LIPN: variants seen among roughly 807,000 people sequenced by gnomAD.
LIPN encodes the protein lipase family member N.
Under a neutral mutation model 43.7 loss-of-function variants are expected in LIPN, and 32 were observed. The observed-to-expected ratio is 0.73, with a 90% confidence interval of 0.55 to 0.98. The LOEUF (loss-of-function observed/expected upper bound fraction) is 0.98, where lower values mean the gene tolerates loss of function less well. Among genes scored for constraint, LIPN ranks in the 50% least tolerant of loss-of-function variants. The pLI, the probability that LIPN is intolerant of heterozygous loss-of-function variation, is 0.00. For synonymous variants in LIPN, 156 were observed against 157.6 expected (o/e 0.99, Z 0.08); for missense variants, 505 against 483.8 (o/e 1.04, Z -0.41).
intron 4 of LIPN, among the ~76,000 whole-genome samples, chr10:88,766,058 C>T (rs113277800): frequency 2.6e-5 from 4 of 151,774 alleles, no homozygotes; most frequent in African/African-American, 9.7e-5. Flanking sequence ...ACACAAGTTT[C>T]GAAAGTGTTC....
At position 88,778,927 on chromosome 10, in the gene LIPN, T is replaced by C. The variant is rs543154835; in HGVS notation, c.*685T>C. On this transcript the variant is annotated 3_prime_UTR_variant, in exon 10 of 10. Coordinates refer to ENST00000404459, the MANE Select transcript of LIPN (RefSeq NM_001102469.2). Reference sequence around the variant, plus strand: ...CATTTTATAATCATAGGGAGGCTTCTTTGTTTAGCATGTAATGCCCCCTTT... The same window carrying C: ...CATTTTATAATCATAGGGAGGCTTCCTTGTTTAGCATGTAATGCCCCCTTT... Among the ~76,000 whole-genome samples, 15 of 152,332 alleles carry C rather than the reference T, an allele frequency of 9.8e-5. No homozygotes were observed. Among genetic ancestry groups the C allele is most frequent in the African/African-American group, 2.6e-4 (11 of 41,588 alleles).
intron 7 of LIPN, among the ~76,000 whole-genome samples, chr10:88,773,362 T>G (rs1843242057): frequency 6.6e-6 from 1 of 151,916 alleles, no homozygotes; most frequent in African/African-American, 2.4e-5. Flanking sequence ...CAATTTGAAT[T>G]TATTGCATTT....
At chr10:88,757,372 G>A (rs303459), upstream of LIPN, among the ~76,000 whole-genome samples, 36,300 of 151,982 alleles carry the variant, frequency 0.24, 4,506 homozygotes, top group East Asian at 0.37. Context: ...GTGTCACTCC[G>A]GAACATGGAC....
At chr10:88,773,426 C>A (rs1432005196) in intron 7 of LIPN, among the ~76,000 whole-genome samples, 1 of 151,814 alleles carries the variant, frequency 6.6e-6, no homozygotes. Flanking sequence ...CACATATAAA[C>A]CTGCGTCTTA....
Position 88,778,508 on chromosome 10 carries a change from A to C in LIPN, c.*266A>C, listed in dbSNP as rs12259829. Among the ~76,000 whole-genome samples the C allele has an allele frequency of 0.017, 2,660 of 152,294 alleles. 77 individuals are homozygous for C. The highest frequency in any genetic ancestry group is 0.06 in the African/African-American group (2,488 of 41,562). ...CTATCTGGCATTTAAGTCTAATTAA[A>C]TTGTAATTTTTAGGGCATACCATGA... On this transcript the variant is annotated 3_prime_UTR_variant, in exon 10 of 10. Coordinates refer to ENST00000404459, the MANE Select transcript of LIPN (RefSeq NM_001102469.2).
chr10:88,762,231 A>G lies in LIPN; in HGVS notation c.152A>G (p.Glu51Gly). 6.2e-7 allele frequency: 1 copy of G among 1,609,352 alleles called. No individual in the cohort carries two copies. The highest frequency in any genetic ancestry group is 1.3e-5 in the African/African-American group (1 of 74,918). ...AATGGCTACCCCAGTGAAGAGTATG[A>G]AGTCACCACTGAAGATGGGTATATA... is the stretch of plus-strand genomic sequence containing the variant. Reference protein sequence around the residue: ...IYNGYPSEEYEVTTEDGYILL... With the variant: ...IYNGYPSEEYGVTTEDGYILL... Residue 51 changes from glutamate to glycine, a missense_variant, in exon 3 of 10, where the codon GAA (glutamate) becomes GGA (glycine). Physicochemically the swap from Glu to Gly is moderately conservative, Grantham distance 98. Transcript: ENST00000404459.
chr10:88,768,015 T>TACACAC (rs60861050), intron 5 of LIPN, among the ~76,000 whole-genome samples: 32 of 141,060 alleles, frequency 2.3e-4, no homozygotes, highest in African/African-American at 7.5e-4. Flanking sequence ...AGTGTTTCAG[T>TACACAC]ACACACACAC....
At position 88,764,431 on chromosome 10, in the gene LIPN, T is replaced by G; in HGVS notation, c.248T>G (p.Met83Arg). Residue 83 changes from methionine to arginine, a missense_variant, in exon 4 of 10, where the codon ATG (methionine) becomes AGG (arginine). Transcript: ENST00000404459. ...CCAGGTCCCCGGCCAGTTGTGTATATGCAGCATGCCCTGTTTGCAGACAAT... is the reference window on the plus strand; with the variant it reads ...CCAGGTCCCCGGCCAGTTGTGTATAGGCAGCATGCCCTGTTTGCAGACAAT... ...RSTGPRPVVY[M>R]QHALFADNAY... The G allele has an allele frequency of 6.2e-7, 1 of 1,611,986 alleles. No individual in the cohort carries two copies. The highest frequency in any genetic ancestry group is 8.5e-7 in the Non-Finnish European group (1 of 1,178,778).
chr10:88,774,985 C>T, intron 8 of LIPN, 107 bp from the exon 9 acceptor site: 1 of 687,852 alleles, frequency 1.5e-6, no homozygotes, highest in Non-Finnish European at 2.5e-6. Flanking sequence ...TTCTGGTGAT[C>T]TAGGAGCCCT....
chr10:88,770,567 T>C (rs1321111927), intron 6 of LIPN, among the ~76,000 whole-genome samples: 1 of 151,838 alleles, frequency 6.6e-6, no homozygotes, highest in Non-Finnish European at 1.5e-5. Flanking sequence ...GGAGACACAT[T>C]CCTAAGTAAC....
chr10:88,767,456 C>A (rs1349268208), intron 5 of LIPN, among the ~76,000 whole-genome samples: 1 of 151,324 alleles, frequency 6.6e-6, no homozygotes, highest in Admixed American at 6.6e-5. Context: ...TCAAAACAAC[C>A]CGAATGTTAT....
intron 8 of LIPN, 99 bp from the exon 9 acceptor site, chr10:88,774,993 C>T: frequency 1.4e-6 from 1 of 711,618 alleles, no homozygotes; most frequent in Non-Finnish European, 2.4e-6. Flanking sequence ...ATCTAGGAGC[C>T]CTATTTTCGT....
chr10:88,757,723 C>T (rs947792584), upstream of LIPN, among the ~76,000 whole-genome samples: 17 of 152,140 alleles, frequency 1.1e-4, no homozygotes, highest in Non-Finnish European at 2.5e-4. Flanking sequence ...CCCAACTTCG[C>T]TTTGAGTAAA....
At chr10:88,757,659 C>T (rs112187737), upstream of LIPN, among the ~76,000 whole-genome samples, 1,071 of 152,184 alleles carry the variant, frequency 7.0e-3, 2 homozygotes, top group Middle Eastern at 0.017. Flanking sequence ...GCATGTTCTA[C>T]GCTAATATGT....
intron 9 of LIPN, among the ~76,000 whole-genome samples, chr10:88,777,422 C>G (rs1843312986): frequency 6.6e-6 from 1 of 151,884 alleles, no homozygotes; most frequent in African/African-American, 2.4e-5. Flanking sequence ...TTGCCTTCAA[C>G]CTATTCTTTC....
intron 1 of LIPN, among the ~76,000 whole-genome samples, 98 bp downstream of exon 1, chr10:88,760,204 T>C (rs547989789): frequency 6.6e-6 from 1 of 152,168 alleles, no homozygotes; most frequent in East Asian, 1.9e-4. Context: ...TGCCTGAGTG[T>C]CCATCCTAGA....
intron 9 of LIPN, 59 bp downstream of exon 9, chr10:88,775,222 T>C: frequency 7.9e-7 from 1 of 1,260,670 alleles, no homozygotes; most frequent in Non-Finnish European, 1.1e-6. Context: ...TAAAAAATTA[T>C]TTGAGGGTGG....
At chr10:88,762,366 T>A in intron 3 of LIPN, 61 bp downstream of exon 3, 1 of 997,772 alleles carries the variant, frequency 1.0e-6, no homozygotes, top group East Asian at 2.6e-5. Flanking sequence ...TCAGGAGGAA[T>A]TTAATGCTAG....
chr10:88,764,651 A>AT (rs762982998), intron 4 of LIPN, 43 bp downstream of exon 4: 30 of 1,420,846 alleles, frequency 2.1e-5, no homozygotes, highest in Admixed American at 6.5e-5. Flanking sequence ...ATTGGAGGCA[A>AT]TTTAAAAAAA....
Sources: gnomAD v4.1 joint callset for allele counts (sites outside exome capture counted in the v4.1 genomes callset) on GRCh38, gnomAD v4.1.1 for gene constraint, MANE v1.5 for transcripts, NCBI Gene and HGNC (gene_info 2026-07-23, HGNC 2026-07-21) for gene names.